Variants in TXNDC16 observed in about 807,000 individuals in gnomAD.
TXNDC16 encodes thioredoxin domain containing 16.
In TXNDC16, 74 loss-of-function variants were observed where a neutral mutation model predicts 85.6. The ratio of observed to expected loss-of-function variants is 0.86; its 90% confidence interval spans 0.72 to 1.05. The LOEUF (loss-of-function observed/expected upper bound fraction) is 1.05. Ranked by LOEUF, TXNDC16 falls within the 50% of genes least tolerant of loss-of-function variation. The probability of loss-of-function intolerance (pLI) is 0.00; values close to 1 mark genes in which losing one functional copy is unlikely to be tolerated. For synonymous variants in TXNDC16, 335 were observed against 326.5 expected, an observed-to-expected ratio of 1.03 and a Z score of -0.28; for missense variants, 959 against 947.0, an observed-to-expected ratio of 1.01 and a Z score of -0.17.
chr14:52,504,463 C>A (rs8009941), intron 9 of TXNDC16, among the ~76,000 whole-genome samples: 20,104 of 151,928 alleles, frequency 0.13, 1,535 homozygotes, highest in African/African-American at 0.21. Flanking sequence ...TCATATCCAG[C>A]CAAACTAAGC....
intron 16 of TXNDC16, among the ~76,000 whole-genome samples, chr14:52,460,563 G>A (rs2035629366): frequency 6.6e-6 from 1 of 152,096 alleles, no homozygotes; most frequent in Non-Finnish European, 1.5e-5. Context: ...ACATTTGAAA[G>A]TTACTTTGAG....
At chr14:52,448,357 C>T (rs1320278891) in intron 18 of TXNDC16, among the ~76,000 whole-genome samples, 1 of 151,626 alleles carries the variant, frequency 6.6e-6, no homozygotes, top group East Asian at 1.9e-4. Context: ...TCAGTGGAAA[C>T]CTTACAGGAC....
Position 52,432,266 on chromosome 14 carries a change from C to T in TXNDC16, c.*38G>A. On this transcript the variant is annotated 3_prime_UTR_variant, in exon 21 of 21. Coordinates refer to ENST00000281741, the MANE Select transcript of TXNDC16 (RefSeq NM_020784.3). ...CTTTAAGGAAATAAATTAAGTCTAT[C>T]ATGCCAAAAAAATTTTGGAAACCAC... is the stretch of plus-strand genomic sequence containing the variant. The T allele has an allele frequency of 1.3e-6, 2 of 1,538,440 alleles. No homozygotes were observed. The highest frequency in any genetic ancestry group is 1.9e-4 in the Middle Eastern group (1 of 5,152).
intron 20 of TXNDC16, among the ~76,000 whole-genome samples, chr14:52,438,348 T>G (rs762543894): frequency 6.6e-6 from 1 of 152,226 alleles, no homozygotes; most frequent in East Asian, 1.9e-4. Flanking sequence ...AACTTCATTG[T>G]TGTCTTATTG....
chr14:52,489,754 T>C (rs2036357726), intron 11 of TXNDC16, among the ~76,000 whole-genome samples: 1 of 152,232 alleles, frequency 6.6e-6, no homozygotes, highest in Admixed American at 6.5e-5. Flanking sequence ...AGTGGCCATC[T>C]TCTTGCTCTT....
intron 7 of TXNDC16, among the ~76,000 whole-genome samples, chr14:52,517,994 C>T (rs1046497342): frequency 2.6e-5 from 4 of 152,186 alleles, no homozygotes; most frequent in African/African-American, 9.7e-5. Flanking sequence ...GCTAGGTAGG[C>T]ATAATGGCCA....
intron 9 of TXNDC16, among the ~76,000 whole-genome samples, chr14:52,498,405 T>TCACACA (rs140586435): frequency 8.2e-5 from 12 of 146,208 alleles, no homozygotes; most frequent in Admixed American, 1.4e-4. Flanking sequence ...ACCCTAAAGA[T>TCACACA]CACACACACA....
intron 20 of TXNDC16, 72 bp downstream of exon 20, chr14:52,439,132 G>T: frequency 2.8e-6 from 4 of 1,404,242 alleles, no homozygotes; most frequent in South Asian, 1.2e-5. Flanking sequence ...CCATTCTTTA[G>T]CTATATTTAG....
intron 6 of TXNDC16, among the ~76,000 whole-genome samples, chr14:52,519,747 C>T (rs1355561254): frequency 6.6e-6 from 1 of 152,350 alleles, no homozygotes; most frequent in South Asian, 2.1e-4. Flanking sequence ...AGGCAAACCT[C>T]AGAGCCTCTG....
In TXNDC16 at chr14:52,440,554, A is replaced by G. The variant is rs373501345; in HGVS notation, c.2003+10T>C. Reference sequence around the variant, plus strand: ...ACCTCTTACATATTAAAAAATAAACACATACTTACAGATTTAACCAGCATG... The same window carrying G: ...ACCTCTTACATATTAAAAAATAAACGCATACTTACAGATTTAACCAGCATG... On this transcript the variant is annotated intron_variant, in intron 19 of 20. Transcript: ENST00000281741. 3.2e-6 allele frequency: 5 copies of G among 1,547,286 alleles called. No homozygotes were observed. Among genetic ancestry groups the G allele is most frequent in the Non-Finnish European group, 4.3e-6 (5 of 1,151,496 alleles).
At chr14:52,482,728 C>T in intron 13 of TXNDC16, 94 bp downstream of exon 13, 2 of 1,196,494 alleles carry the variant, frequency 1.7e-6, no homozygotes, top group South Asian at 1.8e-5. Context: ...AAAGCAATTT[C>T]ATTTTACAAC....
chr14:52,527,722 T>C (rs2037370257), intron 6 of TXNDC16, among the ~76,000 whole-genome samples: 1 of 152,180 alleles, frequency 6.6e-6, no homozygotes, highest in South Asian at 2.1e-4. Context: ...GCTGCTGTTA[T>C]TGCCGTAAGG....
chr14:52,444,829 A>G (rs2035241671), intron 18 of TXNDC16, among the ~76,000 whole-genome samples: 1 of 152,156 alleles, frequency 6.6e-6, no homozygotes, highest in Non-Finnish European at 1.5e-5. Context: ...TAGAAATTTA[A>G]CCTAAATCCA....
In TXNDC16 at chr14:52,455,986, C is replaced by T. The variant is rs143706551; in HGVS notation, c.1704-524G>A. 6.2e-4 allele frequency among the ~76,000 whole-genome samples: 94 copies of T among 152,270 alleles called. 1 individual carries two copies. The highest frequency in any genetic ancestry group is 2.2e-3 in the African/African-American group (93 of 41,564). On this transcript the variant is annotated intron_variant, in intron 17 of 20. Transcript: ENST00000281741. ...GACTTCAAATGAGGTGTCCCTGACA[C>T]AGTCTGTTCCTGACATAGTCTGTAC...
At chr14:52,512,558 G>C (rs1230303755) in intron 8 of TXNDC16, among the ~76,000 whole-genome samples, 1 of 152,156 alleles carries the variant, frequency 6.6e-6, no homozygotes, top group Non-Finnish European at 1.5e-5. Flanking sequence ...TTGAGTGCAG[G>C]AGGTCCTAGT....
intron 4 of TXNDC16, among the ~76,000 whole-genome samples, chr14:52,537,890 G>A (rs1356800574): frequency 6.6e-6 from 1 of 152,178 alleles, no homozygotes; most frequent in Non-Finnish European, 1.5e-5. Flanking sequence ...CATGGAACCA[G>A]TATGTGGTAA....
At chr14:52,452,033 T>C (rs2035424159) in intron 18 of TXNDC16, among the ~76,000 whole-genome samples, 1 of 152,168 alleles carries the variant, frequency 6.6e-6, no homozygotes, top group Non-Finnish European at 1.5e-5. Flanking sequence ...CATTTTTATA[T>C]GCCAACAGTG....
chr14:52,548,787 CAGGAGA>C (rs1198540007), intron 1 of TXNDC16, among the ~76,000 whole-genome samples: 2 of 152,080 alleles, frequency 1.3e-5, no homozygotes, highest in African/African-American at 4.8e-5. Flanking sequence ...GAGGCTGAGG[CAGGAGA>C]ATCACTTTAA....
At position 52,496,611 on chromosome 14, in the gene TXNDC16, T is replaced by A. The variant is rs1342810519; in HGVS notation, c.757-5606A>T. ...TTATGACTTTTTTATGATTTTATGA[T>A]TTTTTTTTTTTTTGAGACAGAGTCT... On this transcript the variant is annotated intron_variant, in intron 9 of 20. Transcript: ENST00000281741. Among the ~76,000 whole-genome samples, 4 of 59,280 alleles carry A rather than the reference T, an allele frequency of 6.7e-5. No individual in the cohort carries two copies. The Admixed American group carries it at 6.9e-4, about 10-fold the overall frequency. The allele number at this position is 59,280 out of a possible 152,430, so 38.9% of individuals were successfully genotyped here.
Sources: allele counts gnomAD v4.1 joint callset (sites outside exome capture counted in the v4.1 genomes callset), GRCh38; gene constraint gnomAD v4.1.1; transcripts MANE v1.5; gene names NCBI Gene and HGNC (gene_info 2026-07-23, HGNC 2026-07-21).